The following EEA1 variants were observed in gnomAD, a reference collection of about 807,000 sequenced individuals.
The protein encoded by EEA1 is early endosome antigen 1, also known as early endosome antigen 1, 162kD.
Under a neutral mutation model 209.2 loss-of-function variants are expected in EEA1, and 111 were observed. That is an observed-to-expected ratio of 0.53 (90% confidence interval 0.45 to 0.62). The LOEUF is 0.62. Among genes scored for constraint, EEA1 ranks in the 20% least tolerant of loss-of-function variants. EEA1 has a pLI of 0.00. For missense variants in EEA1, 1,343 were observed against 1,530.8 expected (o/e 0.88, Z 2.05); for synonymous variants, 536 against 540.6 (o/e 0.99, Z 0.12).
rs1251824976 is a variant in EEA1, at chr12:92,781,980, A to C, written c.3306T>G (p.Cys1102Trp). The change falls in exon 23 of 29, where the codon TGT (cysteine) becomes TGG (tryptophan). Residue 1102 changes from cysteine (C) to tryptophan (W), a missense_variant. Physicochemically the swap from Cys to Trp is radical, Grantham distance 215. This residue lies in a region of EEA1 where 1,307 missense variants were observed against 1,465.5 expected (regional missense o/e 0.89). Coordinates refer to ENST00000322349, the MANE Select transcript of EEA1 (RefSeq NM_003566.4). Reference sequence around the variant, plus strand: ...CTTTCTGAATGTCTTGTAGTGCTTTACATCGCTCCTGCAATTGCTGTTCTT... The same window carrying C: ...CTTTCTGAATGTCTTGTAGTGCTTTCCATCGCTCCTGCAATTGCTGTTCTT... ...AKKEQQLQER[C>W]KALQDIQKEK... is the part of the protein sequence containing the mutation. 6.2e-7 allele frequency: 1 copy of C among 1,613,020 alleles called. No individual in the cohort carries two copies. Among genetic ancestry groups the C allele is most frequent in the African/African-American group, 1.3e-5 (1 of 74,896 alleles).
chr12:92,827,053 G>A (rs1254923488), intron 12 of EEA1, among the ~76,000 whole-genome samples: 3 of 151,996 alleles, frequency 2.0e-5, no homozygotes, highest in Admixed American at 6.5e-5. Context: ...AGATTTTATC[G>A]TAGAATATGT....
intron 1 of EEA1, among the ~76,000 whole-genome samples, chr12:92,906,551 G>A (rs1198241651): frequency 6.6e-6 from 1 of 152,152 alleles, no homozygotes; most frequent in Non-Finnish European, 1.5e-5. Flanking sequence ...AGTGGCTCAC[G>A]CCTGTAATTC....
chr12:92,895,748 C>G (rs1001110593), intron 1 of EEA1, among the ~76,000 whole-genome samples: 1 of 152,052 alleles, frequency 6.6e-6, no homozygotes, highest in Admixed American at 6.6e-5. Context: ...CAGATCTGGG[C>G]AGAGTGTGTG....
chr12:92,873,322 A>G (rs1287066442), intron 2 of EEA1, among the ~76,000 whole-genome samples: 2 of 152,232 alleles, frequency 1.3e-5, no homozygotes, highest in Non-Finnish European at 2.9e-5. Flanking sequence ...CTAGATGAAA[A>G]GATAGCAATT....
At chr12:92,898,775 A>C (rs920739863) in intron 1 of EEA1, among the ~76,000 whole-genome samples, 2 of 110,392 alleles carry the variant, frequency 1.8e-5, no homozygotes, top group African/African-American at 7.2e-5. Context: ...CAGGGGTCTC[A>C]GAATGTTGCC....
At chr12:92,798,264 A>T (rs910377100) in intron 21 of EEA1, among the ~76,000 whole-genome samples, 7 of 152,084 alleles carry the variant, frequency 4.6e-5, no homozygotes, top group Admixed American at 1.3e-4. Context: ...AATAAGAATG[A>T]TTTATTTTAA....
intron 2 of EEA1, among the ~76,000 whole-genome samples, chr12:92,868,783 A>C (rs192985328): frequency 6.6e-6 from 1 of 152,222 alleles, no homozygotes; most frequent in African/African-American, 2.4e-5. Context: ...ATAATTCCGC[A>C]CCTTCTCAAA....
chr12:92,914,575 C>T (rs1880695169), intron 1 of EEA1, among the ~76,000 whole-genome samples: 1 of 152,108 alleles, frequency 6.6e-6, no homozygotes, highest in Admixed American at 6.6e-5. Flanking sequence ...CCTGTAATCC[C>T]AGCACTTTGG....
chr12:92,921,943 T>A (rs1881027324), intron 1 of EEA1, among the ~76,000 whole-genome samples: 1 of 151,186 alleles, frequency 6.6e-6, no homozygotes, highest in Non-Finnish European at 1.5e-5. Context: ...ATTACATTAA[T>A]GCATTTAATA....
At chr12:92,913,296 A>G (rs1264418260) in intron 1 of EEA1, among the ~76,000 whole-genome samples, 1 of 152,216 alleles carries the variant, frequency 6.6e-6, no homozygotes, top group East Asian at 1.9e-4. Flanking sequence ...TTCTCTGATT[A>G]GCAATGTTGA....
rs1478878247 is a variant in EEA1, at chr12:92,811,311, G to C, written c.2167C>G (p.Gln723Glu). The stretch of plus-strand genomic sequence containing the variant: ...TGACCTTCTAGCTCTTCGGTTTTCT[G>C]TTCTAAAGAGAGGTATTTCTCTTTA... ...EYKEKYLSLEQKTEELEGQIK... is the reference protein window; with the variant it reads ...EYKEKYLSLEEKTEELEGQIK... The change falls in exon 17 of 29, where the codon CAG (glutamine) becomes GAG (glutamate). Residue 723 changes from glutamine (Q) to glutamate (E), a missense_variant. Gln to Glu is a conservative substitution (Grantham distance 29). Around this residue, in one of 3 missense-constraint regions of EEA1, gnomAD observed 1,307 missense variants for 1,465.5 expected, o/e 0.89. Coordinates refer to ENST00000322349, the MANE Select transcript of EEA1 (RefSeq NM_003566.4). The C allele has an allele frequency of 7.6e-6, 12 of 1,586,328 alleles. No homozygotes were observed. Among genetic ancestry groups the C allele is most frequent in the Non-Finnish European group, 1.0e-5 (12 of 1,168,732 alleles).
chr12:92,911,710 G>A (rs575925940), intron 1 of EEA1, among the ~76,000 whole-genome samples: 11 of 152,324 alleles, frequency 7.2e-5, no homozygotes, highest in Non-Finnish European at 1.5e-4. Context: ...TGTTGATAAT[G>A]GGGGAGTCTA....
At chr12:92,818,983 C>A (rs185930373) in intron 14 of EEA1, among the ~76,000 whole-genome samples, 1 of 152,106 alleles carries the variant, frequency 6.6e-6, no homozygotes, top group Non-Finnish European at 1.5e-5. Context: ...CTAAACATCA[C>A]AAAATGCCAT....
intron 16 of EEA1, 102 bp from the exon 17 acceptor site, chr12:92,811,536 AT>A (rs1875507590): frequency 1.3e-6 from 1 of 764,640 alleles, no homozygotes; most frequent in Admixed American, 4.0e-5. Context: ...ATTTAAAAAA[AT>A]ATTTGGAGTA....
intron 2 of EEA1, among the ~76,000 whole-genome samples, chr12:92,888,560 G>C (rs532418343): frequency 1.1e-4 from 17 of 149,606 alleles, no homozygotes; most frequent in Admixed American, 8.1e-4. Flanking sequence ...CTGGGCGACA[G>C]AGCCAGACTC....
At chr12:92,821,331 A>G (rs1876042588) in intron 13 of EEA1, among the ~76,000 whole-genome samples, 1 of 152,186 alleles carries the variant, frequency 6.6e-6, no homozygotes, top group African/African-American at 2.4e-5. Flanking sequence ...ATTCAATGTC[A>G]GAGACGTCAA....
intron 21 of EEA1, among the ~76,000 whole-genome samples, chr12:92,791,668 A>G (rs2136658421): frequency 6.6e-6 from 1 of 152,308 alleles, no homozygotes; most frequent in Admixed American, 6.5e-5. Flanking sequence ...CCCACACAAT[A>G]ATAATGGGAG....
intron 10 of EEA1, among the ~76,000 whole-genome samples, chr12:92,836,735 A>G (rs1876945191): frequency 6.6e-6 from 1 of 152,156 alleles, no homozygotes; most frequent in Non-Finnish European, 1.5e-5. Flanking sequence ...TGTTTTATAC[A>G]AAAGCCTTTT....
intron 1 of EEA1, among the ~76,000 whole-genome samples, chr12:92,909,272 G>A (rs1880494441): frequency 6.6e-6 from 1 of 152,124 alleles, no homozygotes; most frequent in Non-Finnish European, 1.5e-5. Context: ...CATGGGAGAG[G>A]GAATTTACAA....
Sources: allele counts gnomAD v4.1 joint callset (sites outside exome capture counted in the v4.1 genomes callset), GRCh38; gene constraint gnomAD v4.1.1; regional missense constraint gnomAD v4.1.1; transcripts MANE v1.5; gene names NCBI Gene and HGNC (gene_info 2026-07-23, HGNC 2026-07-21).